Variants in MDFIC observed in about 807,000 individuals in gnomAD.
MDFIC encodes the protein MyoD family inhibitor domain containing.
In MDFIC, 17 loss-of-function variants were observed where a neutral mutation model predicts 23.2. The observed-to-expected ratio is 0.73, with a 90% CI of 0.50 to 1.10. The LOEUF (loss-of-function observed/expected upper bound fraction) is 1.10. Among genes scored for constraint, MDFIC ranks in the 50% least tolerant of loss-of-function variants. MDFIC has a pLI of 0.00. For synonymous variants in MDFIC, 120 were observed against 115.2 expected (o/e 1.04, Z -0.27); for missense variants, 356 against 316.6 (o/e 1.12, Z -0.95).
chr7:114,964,127 T>C (rs1408039885), intron 3 of MDFIC, among the ~76,000 whole-genome samples: 1 of 152,234 alleles, frequency 6.6e-6, no homozygotes, highest in African/African-American at 2.4e-5. Flanking sequence ...TACAGAATTA[T>C]ATTTTTCTAA....
At chr7:115,007,206 ATAGG>A (rs1358663903) in intron 4 of MDFIC, among the ~76,000 whole-genome samples, 1 of 152,210 alleles carries the variant, frequency 6.6e-6, no homozygotes, top group Non-Finnish European at 1.5e-5. Flanking sequence ...TAAATGGAAC[ATAGG>A]TAGGTGGAGA....
intron 4 of MDFIC, among the ~76,000 whole-genome samples, chr7:114,993,946 G>T (rs941069183): frequency 2.1e-4 from 32 of 152,092 alleles, no homozygotes; most frequent in African/African-American, 7.5e-4. Flanking sequence ...GTTGACAGTG[G>T]GGTGTTAAGG....
At position 115,018,699 on chromosome 7, in the gene MDFIC, T is replaced by A. The variant is rs1791844261; in HGVS notation, c.*2764T>A. 6.6e-6 allele frequency: 1 copy of A among 152,442 alleles called. No homozygotes were observed. The highest frequency in any genetic ancestry group is 2.1e-4 in the South Asian group (1 of 4,826). The allele number at this position is 152,442 out of a possible 1,614,324, so 9.4% of individuals were successfully genotyped here. On this transcript the variant is annotated 3_prime_UTR_variant, in exon 5 of 5. Transcript: ENST00000393486. ...AAAGGCTTTTAAAATATTTTAAAAC[T>A]GGACCTGTATTATCCTGAATACACT...
intron 4 of MDFIC, among the ~76,000 whole-genome samples, chr7:114,981,151 C>A (rs932475644): frequency 1.3e-5 from 2 of 152,056 alleles, no homozygotes; most frequent in African/African-American, 4.8e-5. Context: ...TCTAGGTGAT[C>A]GGGTGAAATA....
At chr7:115,010,909 A>G (rs928961270) in intron 4 of MDFIC, among the ~76,000 whole-genome samples, 5 of 152,360 alleles carry the variant, frequency 3.3e-5, no homozygotes, top group Admixed American at 6.5e-5. Context: ...TTGTTCTTAC[A>G]TATTGAAGGG....
intron 4 of MDFIC, among the ~76,000 whole-genome samples, chr7:114,993,482 G>A (rs1791237715): frequency 6.6e-6 from 1 of 152,128 alleles, no homozygotes. Context: ...TCTCTTGTGG[G>A]CATTTAGTGT....
At position 114,922,438 on chromosome 7, in the gene MDFIC, A is replaced by G. The variant is rs990837401; in HGVS notation, c.-306A>G. ...CGGAGTGCGCGGAGTCAGAGCCGCC[A>G]CCGCTGCCGCAGTTGCCGCCACTGC... On this transcript the variant is annotated 5_prime_UTR_variant, in exon 1 of 5. Coordinates refer to ENST00000393486, the MANE Select transcript of MDFIC (RefSeq NM_001166345.3). 3.9e-5 allele frequency: 49 copies of G among 1,242,656 alleles called. No homozygotes were observed. The Admixed American group carries it at 1.5e-3, about 38-fold the overall frequency. The allele number at this position is 1,242,656 out of a possible 1,614,324, so 77.0% of individuals were successfully genotyped here.
chr7:114,950,013 C>A (rs772557480), intron 3 of MDFIC, among the ~76,000 whole-genome samples: 1 of 151,754 alleles, frequency 6.6e-6, no homozygotes, highest in Non-Finnish European at 1.5e-5. Flanking sequence ...TTAGATGAGG[C>A]GTGGTGAGAA....
At chr7:115,012,853 C>T (rs1222681630) in intron 4 of MDFIC, among the ~76,000 whole-genome samples, 1 of 152,104 alleles carries the variant, frequency 6.6e-6, no homozygotes, top group Non-Finnish European at 1.5e-5. Flanking sequence ...GTGGCCGGCA[C>T]CTGTAGTCCC....
intron 2 of MDFIC, among the ~76,000 whole-genome samples, chr7:114,941,990 C>T (rs1792550397): frequency 6.6e-6 from 1 of 152,186 alleles, no homozygotes; most frequent in Non-Finnish European, 1.5e-5. Flanking sequence ...TCACATTTCT[C>T]TATCATGGCA....
intron 3 of MDFIC, among the ~76,000 whole-genome samples, chr7:114,947,356 C>T (rs1331588267): frequency 6.6e-6 from 1 of 152,108 alleles, no homozygotes; most frequent in Non-Finnish European, 1.5e-5. Context: ...GTATGTTGGA[C>T]GTTATGTGAC....
chr7:114,956,658 A>G (rs1792890518), intron 3 of MDFIC, among the ~76,000 whole-genome samples: 1 of 152,080 alleles, frequency 6.6e-6, no homozygotes, highest in African/African-American at 2.4e-5. Flanking sequence ...TCATCTCTTT[A>G]TCTTGGCTTA....
chr7:114,962,898 G>A (rs1339711692), intron 3 of MDFIC, among the ~76,000 whole-genome samples: 1 of 152,098 alleles, frequency 6.6e-6, no homozygotes, highest in African/African-American at 2.4e-5. Context: ...TCTAGCCTAA[G>A]AACAATTTTC....
chr7:115,012,457 C>T (rs1305719557), intron 4 of MDFIC, among the ~76,000 whole-genome samples: 1 of 152,148 alleles, frequency 6.6e-6, no homozygotes, highest in Non-Finnish European at 1.5e-5. Flanking sequence ...GTAATGAGCA[C>T]TCTCATACTT....
At chr7:114,928,308 A>G (rs75699075) in intron 2 of MDFIC, among the ~76,000 whole-genome samples, 2 of 149,622 alleles carry the variant, frequency 1.3e-5, no homozygotes, top group Non-Finnish European at 3.0e-5. Context: ...AAGAACTGTG[A>G]AAAAAAAAAG....
chr7:114,969,860 A>T (rs1052068932), intron 3 of MDFIC, among the ~76,000 whole-genome samples: 3 of 152,188 alleles, frequency 2.0e-5, no homozygotes, highest in Non-Finnish European at 4.4e-5. Flanking sequence ...ATGTTATTCC[A>T]CAGACCTCTA....
At chr7:115,014,625 A>G in intron 4 of MDFIC, 2 of 966,102 alleles carry the variant, frequency 2.1e-6, no homozygotes, top group Non-Finnish European at 2.6e-6. Flanking sequence ...AAAAACAAAA[A>G]AACAAGGAAC....
chr7:114,997,379 G>A (rs990837574), intron 4 of MDFIC, among the ~76,000 whole-genome samples: 1 of 151,906 alleles, frequency 6.6e-6, no homozygotes, highest in Non-Finnish European at 1.5e-5. Context: ...ACCCTGTGGT[G>A]TTGTAGGGGA....
chr7:114,987,905 A>C (rs1418804777), intron 4 of MDFIC, among the ~76,000 whole-genome samples: 3 of 152,198 alleles, frequency 2.0e-5, no homozygotes, highest in Admixed American at 1.3e-4. Flanking sequence ...AGTTTAGGAA[A>C]ATAAGTTAAC....
Sources: gnomAD v4.1 joint callset for allele counts (sites outside exome capture counted in the v4.1 genomes callset) on GRCh38, gnomAD v4.1.1 for gene constraint, MANE v1.5 for transcripts, NCBI Gene and HGNC (gene_info 2026-07-23, HGNC 2026-07-21) for gene names.